Variants in IGF2BP2 observed in about 807,000 individuals in gnomAD.
The protein encoded by IGF2BP2 is insulin-like growth factor 2 mRNA-binding protein 2.
Under a neutral mutation model 75.8 loss-of-function variants are expected in IGF2BP2, and 17 were observed. The observed-to-expected ratio is 0.22, with a 90% CI of 0.15 to 0.34. The LOEUF is 0.34. IGF2BP2 is among the 10% of genes least tolerant of loss of function. The pLI, the probability that IGF2BP2 is intolerant of heterozygous loss-of-function variation, is 1.00. For missense variants in IGF2BP2, 516 were observed against 772.4 expected, an observed-to-expected ratio of 0.67 and a Z score of 3.93; for synonymous variants, 288 against 295.6, an observed-to-expected ratio of 0.97 and a Z score of 0.26.
chr3:185,714,759 G>A (rs1254222362), intron 2 of IGF2BP2, among the ~76,000 whole-genome samples: 3 of 152,142 alleles, frequency 2.0e-5, no homozygotes, highest in Admixed American at 2.0e-4. Context: ...CCCAGCCTAG[G>A]CAACGTAGCA....
intron 2 of IGF2BP2, among the ~76,000 whole-genome samples, chr3:185,808,128 AAAAAAAAG>A (rs944666319): frequency 2.3e-4 from 27 of 119,740 alleles, no homozygotes; most frequent in Middle Eastern, 3.9e-3. Context: ...AAAAAAAAAA[AAAAAAAAG>A]AAAGAAAGAA....
chr3:185,730,757 G>C (rs1306762258), intron 2 of IGF2BP2, among the ~76,000 whole-genome samples: 1 of 152,100 alleles, frequency 6.6e-6, no homozygotes, highest in African/African-American at 2.4e-5. Flanking sequence ...CCAGGAGTGA[G>C]ATGATGGTAG....
At chr3:185,712,235 C>CT (rs1431809646) in intron 2 of IGF2BP2, among the ~76,000 whole-genome samples, 1 of 152,030 alleles carries the variant, frequency 6.6e-6, no homozygotes, top group East Asian at 1.9e-4. Flanking sequence ...CTAAGAATAC[C>CT]TTTTTTCCTT....
intron 2 of IGF2BP2, among the ~76,000 whole-genome samples, chr3:185,743,474 C>T (rs1305633969): frequency 6.6e-6 from 1 of 152,142 alleles, no homozygotes; most frequent in Non-Finnish European, 1.5e-5. Flanking sequence ...TGGGGTTTCA[C>T]CATATTGGCC....
intron 2 of IGF2BP2, among the ~76,000 whole-genome samples, chr3:185,778,426 T>C (rs1040748292): frequency 6.6e-6 from 1 of 152,212 alleles, no homozygotes; most frequent in Non-Finnish European, 1.5e-5. Flanking sequence ...TCAACTTTTT[T>C]CTCATCAACA....
In IGF2BP2 at chr3:185,675,538, A is replaced by C. The variant is rs1248330282; in HGVS notation, c.936-107T>G. ...TTTTGGCGGAGAGAGAGAAGACTCA[A>C]TTCCCTCCCAACACACTGTGGTGGA... On this transcript the variant is annotated intron_variant, in intron 8 of 15. Transcript: ENST00000382199. The C allele has an allele frequency of 4.6e-6, 6 of 1,303,936 alleles. No homozygotes were observed. In the East Asian group the frequency reaches 1.5e-4, roughly 32 times the overall value. 80.8% of individuals were successfully genotyped at this position (1,303,936 alleles called of 1,614,324 possible). A position where few individuals can be genotyped will look rare whatever the true frequency, so the allele number is the denominator to read the frequency against.
intron 2 of IGF2BP2, among the ~76,000 whole-genome samples, chr3:185,736,150 G>C (rs1033001740): frequency 5.3e-5 from 8 of 152,260 alleles, no homozygotes; most frequent in Admixed American, 1.3e-4. Context: ...CTTAAGGCCA[G>C]CAGCTCCTGC....
At chr3:185,824,744 G>T in intron 1 of IGF2BP2, 39 bp downstream of exon 1, 1 of 1,263,318 alleles carries the variant, frequency 7.9e-7, no homozygotes, top group Non-Finnish European at 1.0e-6. Context: ...CGGCCTGAGC[G>T]GGGCGAGGCG....
intron 10 of IGF2BP2, among the ~76,000 whole-genome samples, chr3:185,668,502 GAGAGAGAT>G (rs1718005083): frequency 7.9e-6 from 1 of 126,818 alleles, no homozygotes; most frequent in African/African-American, 3.1e-5. Context: ...GAGAGAGAGA[GAGAGAGAT>G]ATATATATAT....
chr3:185,682,665 C>T (rs1347222322), intron 7 of IGF2BP2, among the ~76,000 whole-genome samples: 2 of 152,012 alleles, frequency 1.3e-5, no homozygotes, highest in African/African-American at 4.8e-5. Flanking sequence ...TACAAATGGC[C>T]AATAAATATA....
chr3:185,724,195 G>A (rs1416920551), intron 2 of IGF2BP2, among the ~76,000 whole-genome samples: 1 of 152,172 alleles, frequency 6.6e-6, no homozygotes, highest in African/African-American at 2.4e-5. Flanking sequence ...GATCTGAAGA[G>A]GCAGACACAG....
Position 185,677,068 on chromosome 3 carries a change from T to TAGAGAGAG in IGF2BP2, c.813-1163_813-1156dup, listed in dbSNP as rs71164535. 1.4e-3 allele frequency among the ~76,000 whole-genome samples: 49 copies of TAGAGAGAG among 35,840 alleles called. 5 individuals are homozygous for TAGAGAGAG. The highest frequency in any genetic ancestry group is 3.5e-3 in the East Asian group (5 of 1,442). The allele number at this position is 35,840 out of a possible 152,430, so 23.5% of individuals were successfully genotyped here. ...AGATATATATATATATATATATATA[T>TAGAGAGAG]AGAGAGAGAGAGAGAGAGAGAGAGA... On this transcript the variant is annotated intron_variant, in intron 7 of 15. Transcript: ENST00000382199.
chr3:185,785,819 A>T (rs1007254821), intron 2 of IGF2BP2, among the ~76,000 whole-genome samples: 4 of 152,194 alleles, frequency 2.6e-5, no homozygotes, highest in African/African-American at 9.6e-5. Flanking sequence ...CTCTTTATAA[A>T]TTAATTAATT....
At chr3:185,778,759 C>G (rs1400208709) in intron 2 of IGF2BP2, among the ~76,000 whole-genome samples, 1 of 152,190 alleles carries the variant, frequency 6.6e-6, no homozygotes, top group Non-Finnish European at 1.5e-5. Context: ...TTTCACTGAA[C>G]CAGAGTCAAC....
chr3:185,718,314 G>T (rs1423087676), intron 2 of IGF2BP2: 1 of 152,292 alleles, frequency 6.6e-6, no homozygotes, highest in Non-Finnish European at 1.5e-5. Flanking sequence ...GGACTAGTGG[G>T]GCAGATAGTG....
At chr3:185,824,677 G>GCGGGAGCCGCCGC (rs1741808822) in intron 1 of IGF2BP2, 106 bp downstream of exon 1, 1 of 807,890 alleles carries the variant, frequency 1.2e-6, no homozygotes, top group Non-Finnish European at 1.7e-6. Flanking sequence ...GCGTGCGGGC[G>GCGGGAGCCGCCGC]CGGGAGCCGC....
intron 4 of IGF2BP2, among the ~76,000 whole-genome samples, chr3:185,695,968 G>T (rs1319687515): frequency 6.6e-6 from 1 of 152,174 alleles, no homozygotes; most frequent in Non-Finnish European, 1.5e-5. Context: ...TGTATTTTTA[G>T]TAGAGATGGG....
intron 2 of IGF2BP2, among the ~76,000 whole-genome samples, chr3:185,730,379 G>A (rs556641195): frequency 4.0e-5 from 6 of 150,742 alleles, no homozygotes; most frequent in Admixed American, 1.3e-4. Context: ...TTGATTCCAC[G>A]ACTTTGCTAT....
At chr3:185,663,254 G>T (rs1716764180) in intron 10 of IGF2BP2, among the ~76,000 whole-genome samples, 1 of 152,126 alleles carries the variant, frequency 6.6e-6, no homozygotes, top group Non-Finnish European at 1.5e-5. Context: ...CTTTATTTTT[G>T]AGTGTTTCAA....
Sources: gnomAD v4.1 joint callset for allele counts (sites outside exome capture counted in the v4.1 genomes callset) on GRCh38, gnomAD v4.1.1 for gene constraint, MANE v1.5 for transcripts, NCBI Gene and HGNC (gene_info 2026-07-23, HGNC 2026-07-21) for gene names.